Variants in THSD4 observed in about 807,000 individuals in gnomAD.
THSD4 encodes the protein thrombospondin type-1 domain-containing protein 4.
In THSD4, 69 loss-of-function variants were observed where a neutral mutation model predicts 119.0. The ratio of observed to expected loss-of-function variants is 0.58; its 90% confidence interval spans 0.48 to 0.71. THSD4 has a LOEUF of 0.71. THSD4 is among the 30% of genes least tolerant of loss of function. The pLI is 0.00. For synonymous variants in THSD4, 524 were observed against 540.4 expected, an observed-to-expected ratio of 0.97 and a Z score of 0.42; for missense variants, 1,393 against 1,391.1, an observed-to-expected ratio of 1.00 and a Z score of -0.02.
chr15:71,651,213 C>T (rs1333069070), intron 7 of THSD4, among the ~76,000 whole-genome samples: 2 of 152,228 alleles, frequency 1.3e-5, no homozygotes, highest in South Asian at 4.1e-4. Context: ...GAACATCCAT[C>T]TTCAGTCCAG....
intron 6 of THSD4, among the ~76,000 whole-genome samples, chr15:71,325,478 G>A (rs2045325870): frequency 6.6e-6 from 1 of 152,168 alleles, no homozygotes; most frequent in South Asian, 2.1e-4. Flanking sequence ...GAAGGAAGGA[G>A]GCAAGTGTGG....
intron 7 of THSD4, among the ~76,000 whole-genome samples, chr15:71,519,369 T>A (rs539956727): frequency 2.0e-5 from 3 of 152,290 alleles, no homozygotes; most frequent in South Asian, 4.1e-4. Flanking sequence ...TTTTTCTTTT[T>A]CTTTTTTTGA....
At chr15:71,597,999 A>G (rs554826536) in intron 7 of THSD4, among the ~76,000 whole-genome samples, 1 of 152,240 alleles carries the variant, frequency 6.6e-6, no homozygotes, top group Non-Finnish European at 1.5e-5. Flanking sequence ...GATCACCCAG[A>G]TGAATAAGTC....
At chr15:71,135,253 A>T (rs970134615) in intron 1 of THSD4, among the ~76,000 whole-genome samples, 2 of 148,146 alleles carry the variant, frequency 1.4e-5, no homozygotes, top group African/African-American at 5.0e-5. Flanking sequence ...GCATTGGGAG[A>T]TATACCTAAT....
chr15:71,712,926 G>C (rs946103863), intron 8 of THSD4, among the ~76,000 whole-genome samples: 1 of 152,162 alleles, frequency 6.6e-6, no homozygotes, highest in Admixed American at 6.5e-5. Context: ...AGGGACGAAC[G>C]ACTGGGGAAG....
chr15:71,743,739 G>T (rs2053280096), intron 11 of THSD4, among the ~76,000 whole-genome samples: 1 of 152,186 alleles, frequency 6.6e-6, no homozygotes, highest in Non-Finnish European at 1.5e-5. Flanking sequence ...ACACTGTCTT[G>T]CAAACTGTCA....
chr15:71,098,559 T>C (rs572944486), intron 1 of THSD4, among the ~76,000 whole-genome samples: 2 of 152,206 alleles, frequency 1.3e-5, no homozygotes, highest in South Asian at 4.2e-4. Context: ...CCACTGCACC[T>C]GGCCCCACAT....
chr15:71,637,614 C>T (rs1256037422), intron 7 of THSD4, among the ~76,000 whole-genome samples: 1 of 152,102 alleles, frequency 6.6e-6, no homozygotes, highest in Non-Finnish European at 1.5e-5. Flanking sequence ...GAAGTGGGAC[C>T]AGCACTGTGG....
intron 7 of THSD4, among the ~76,000 whole-genome samples, chr15:71,494,215 C>A (rs1052745958): frequency 6.6e-6 from 1 of 152,134 alleles, no homozygotes; most frequent in African/African-American, 2.4e-5. Context: ...TTTGTATTTG[C>A]AAACTGAGCA....
At chr15:71,219,719 TACACA>T (rs948358472) in intron 4 of THSD4, among the ~76,000 whole-genome samples, 3 of 152,198 alleles carry the variant, frequency 2.0e-5, no homozygotes, top group African/African-American at 7.2e-5. Context: ...CATTTACAGT[TACACA>T]ACCCTGTGAG....
intron 7 of THSD4, among the ~76,000 whole-genome samples, chr15:71,501,976 G>A (rs2048119110): frequency 6.6e-6 from 1 of 152,196 alleles, no homozygotes; most frequent in African/African-American, 2.4e-5. Flanking sequence ...TTTAAGATCT[G>A]CCCAGGAATG....
rs146488274 is a variant in THSD4 at position 71,346,737 on chromosome 15, G to A, written c.1016-64950G>A. Among the ~76,000 whole-genome samples, 312 of 152,174 alleles carry A rather than the reference G, an allele frequency of 2.1e-3. 4 individuals are homozygous for A. Among genetic ancestry groups the A allele is most frequent in the African/African-American group, 7.1e-3 (295 of 41,496 alleles). The stretch of plus-strand genomic sequence containing the variant: ...TAGACCCTTGCAGTCAAACAGAGCT[G>A]GGCAATGCGTCTTATGTATGTAAGC... On this transcript the variant is annotated intron_variant, in intron 6 of 17. Coordinates refer to ENST00000261862, the MANE Select transcript of THSD4 (RefSeq NM_024817.3).
Position 71,256,593 on chromosome 15 carries a change from T to C in THSD4, c.913-20T>C, listed in dbSNP as rs759278620. 1.9e-6 allele frequency: 3 copies of C among 1,608,836 alleles called. No homozygotes were observed. In the Admixed American group the frequency reaches 5.0e-5, roughly 27 times the overall value. On this transcript the variant is annotated intron_variant, in intron 5 of 17. Transcript: ENST00000261862. ...GAAAAGTATGGACACTAATTGCATA[T>C]TTAATATCTGCTTTATTAGGTATGT...
rs914378973 is a variant in THSD4 at position 71,495,394 on chromosome 15, T to A, written c.1152+83571T>A. 2.6e-5 allele frequency among the ~76,000 whole-genome samples: 4 copies of A among 152,300 alleles called. No individual in the cohort carries two copies. In the South Asian group the frequency reaches 6.2e-4, roughly 24 times the overall value. On this transcript the variant is annotated intron_variant, in intron 7 of 17. Coordinates refer to ENST00000261862, the MANE Select transcript of THSD4 (RefSeq NM_024817.3). ...AGTCTGCCCCAGGAAAGGAATGGAC[T>A]TTGAGCATCTTATTGTGATTAACTG...
intron 7 of THSD4, among the ~76,000 whole-genome samples, chr15:71,561,781 C>T (rs1192867271): frequency 6.6e-6 from 1 of 152,024 alleles, no homozygotes; most frequent in Non-Finnish European, 1.5e-5. Flanking sequence ...AGTGTCCATA[C>T]CCTCCCAGGT....
chr15:71,661,627 C>G (rs1217410548), intron 8 of THSD4, among the ~76,000 whole-genome samples: 1 of 152,022 alleles, frequency 6.6e-6, no homozygotes, highest in Non-Finnish European at 1.5e-5. Context: ...AACTCCTGGC[C>G]TCAAGTGGTC....
intron 7 of THSD4, among the ~76,000 whole-genome samples, chr15:71,412,842 A>G (rs927247831): frequency 1.3e-5 from 2 of 152,210 alleles, no homozygotes; most frequent in Admixed American, 6.5e-5. Flanking sequence ...TTTAATTATT[A>G]TGAGTACATA....
At chr15:71,256,385 G>A (rs1163853333) in intron 5 of THSD4, among the ~76,000 whole-genome samples, 1 of 151,502 alleles carries the variant, frequency 6.6e-6, no homozygotes, top group Admixed American at 6.6e-5. Flanking sequence ...TGAGGCAGGA[G>A]AATCACTTGA....
chr15:71,705,271 G>A (rs2052372390), intron 8 of THSD4, among the ~76,000 whole-genome samples: 1 of 152,166 alleles, frequency 6.6e-6, no homozygotes, highest in Non-Finnish European at 1.5e-5. Context: ...TTCATTTTGA[G>A]GACAGGCTGA....
Sources: allele counts gnomAD v4.1 joint callset (sites outside exome capture counted in the v4.1 genomes callset), GRCh38; gene constraint gnomAD v4.1.1; transcripts MANE v1.5; gene names NCBI Gene and HGNC (gene_info 2026-07-23, HGNC 2026-07-21).